CNN3: variants seen among roughly 807,000 people sequenced by gnomAD.
CNN3 encodes the protein calponin 3, also known as calponin-3.
Under a neutral mutation model 39.0 loss-of-function variants are expected in CNN3, and 11 were observed. The ratio of observed to expected loss-of-function variants is 0.28; its 90% CI spans 0.18 to 0.47. The LOEUF (loss-of-function observed/expected upper bound fraction) is 0.47. Ranked by LOEUF, CNN3 falls within the 20% of genes least tolerant of loss-of-function variation. The pLI, the probability that CNN3 is intolerant of heterozygous loss-of-function variation, is 0.99. For synonymous variants in CNN3, 101 were observed against 138.3 expected, an observed-to-expected ratio of 0.73 and a Z score of 1.89; for missense variants, 266 against 403.4, an observed-to-expected ratio of 0.66 and a Z score of 2.92.
intron 1 of CNN3, among the ~76,000 whole-genome samples, chr1:94,925,223 G>T (rs1671546498): frequency 6.6e-6 from 1 of 152,214 alleles, no homozygotes; most frequent in African/African-American, 2.4e-5. Flanking sequence ...CTCAACTGCT[G>T]CCAGCCAAGA....
At position 94,902,618 on chromosome 1, in the gene CNN3, T is replaced by C. The variant is rs578038533; in HGVS notation, c.247-360A>G. On this transcript the variant is annotated intron_variant, in intron 3 of 6. Coordinates refer to ENST00000370206, the MANE Select transcript of CNN3 (RefSeq NM_001839.5). ...ACTCATACTAATAAATAATTCATTA[T>C]GTGTTATTTTAATTTCAGAATACAT... Among the ~76,000 whole-genome samples, 3 of 152,374 alleles carry C rather than the reference T, an allele frequency of 2.0e-5. No homozygotes were observed. The East Asian group carries it at 5.8e-4, about 29-fold the overall frequency.
intron 1 of CNN3, among the ~76,000 whole-genome samples, chr1:94,923,544 T>TA (rs933553359): frequency 1.3e-5 from 2 of 152,044 alleles, no homozygotes; most frequent in African/African-American, 4.8e-5. Context: ...TCTTGCCTAT[T>TA]AAAAAAAGTA....
At chr1:94,914,679 T>A (rs1180725243) in intron 1 of CNN3, among the ~76,000 whole-genome samples, 1 of 152,234 alleles carries the variant, frequency 6.6e-6, no homozygotes, top group African/African-American at 2.4e-5. Flanking sequence ...AAATGCTTTT[T>A]TGCTTACTAC....
chr1:94,899,727 T>C (rs923262424), intron 5 of CNN3, among the ~76,000 whole-genome samples: 1 of 152,106 alleles, frequency 6.6e-6, no homozygotes, highest in African/African-American at 2.4e-5. Context: ...AGATAAAAAC[T>C]CATACATAGA....
chr1:94,921,743 G>A (rs959027416), intron 1 of CNN3, among the ~76,000 whole-genome samples: 2 of 152,194 alleles, frequency 1.3e-5, no homozygotes, highest in African/African-American at 4.8e-5. Context: ...AAAAATCAGT[G>A]AGCCTGACGA....
At chr1:94,901,558 C>A in intron 5 of CNN3, 111 bp downstream of exon 5, 2 of 665,108 alleles carry the variant, frequency 3.0e-6, no homozygotes, top group South Asian at 2.0e-5. Flanking sequence ...CTACACCCCC[C>A]CCCCAGTACT....
intron 1 of CNN3, among the ~76,000 whole-genome samples, chr1:94,918,405 A>G (rs1249720571): frequency 6.6e-6 from 1 of 151,396 alleles, no homozygotes; most frequent in African/African-American, 2.4e-5. Context: ...GAGGCAGGAG[A>G]ATCACTCGAA....
At chr1:94,904,522 T>C (rs1670947087) in intron 1 of CNN3, among the ~76,000 whole-genome samples, 1 of 151,952 alleles carries the variant, frequency 6.6e-6, no homozygotes, top group Non-Finnish European at 1.5e-5. Context: ...CTGAGCTGGG[T>C]GGATCTCTTG....
intron 1 of CNN3, among the ~76,000 whole-genome samples, chr1:94,918,791 G>A (rs1302439888): frequency 6.6e-6 from 1 of 151,930 alleles, no homozygotes; most frequent in Non-Finnish European, 1.5e-5. Context: ...CTTCTCAGGA[G>A]GCTGAGGTGT....
intron 1 of CNN3, among the ~76,000 whole-genome samples, chr1:94,920,125 C>G (rs1671402176): frequency 6.6e-6 from 1 of 152,214 alleles, no homozygotes; most frequent in African/African-American, 2.4e-5. Flanking sequence ...AAGCAGAATA[C>G]AACCAAGCCC....
chr1:94,910,783 C>T (rs1671139402), intron 1 of CNN3, among the ~76,000 whole-genome samples: 1 of 152,188 alleles, frequency 6.6e-6, no homozygotes, highest in Non-Finnish European at 1.5e-5. Context: ...ACCTGACACA[C>T]AACAGCATGC....
chr1:94,897,863 G>T lies in CNN3; in HGVS notation c.869C>A (p.Thr290Lys). 3 of 1,614,118 alleles carry T rather than the reference G, an allele frequency of 1.9e-6. No homozygotes were observed. Among genetic ancestry groups the T allele is most frequent in the Non-Finnish European group, 1.7e-6 (2 of 1,179,992 alleles). Residue 290 changes from threonine to lysine, a missense_variant, in exon 7 of 7, where the codon ACA becomes AAA. Physicochemically the swap from Thr to Lys is moderately conservative, Grantham distance 78. Transcript: ENST00000370206. ...VIHNGSQGTG[T>K]NGSEISDSDY... ...ACTATCACTGATTTCCGAACCATTT[G>T]TTCCTGTTCCTTGGCTTCCGTTGTG...
rs1159887300 is a variant in CNN3 at position 94,926,776 on chromosome 1, C to G, written c.57+62G>C. ...GCGCGAAGAGCAAACGAAGCACGGC[C>G]CAGCGCCAGGCCAGCCCAAGGGTGC... On this transcript the variant is annotated intron_variant, in intron 1 of 6. Transcript: ENST00000370206. The surrounding 1 kb of genome is among the most constrained non-coding windows in gnomAD (Gnocchi z 4.2). 6.5e-7 allele frequency: 1 copy of G among 1,546,568 alleles called. No individual in the cohort carries two copies. Among genetic ancestry groups the G allele is most frequent in the South Asian group, 1.2e-5 (1 of 86,556 alleles).
At chr1:94,924,269 T>C (rs1350948568) in intron 1 of CNN3, 1 of 151,868 alleles carries the variant, frequency 6.6e-6, no homozygotes, top group East Asian at 1.9e-4. Flanking sequence ...CCAGAACAGA[T>C]CAGAAACAGT....
chr1:94,916,235 T>C (rs149043541), intron 1 of CNN3, among the ~76,000 whole-genome samples: 3,662 of 152,222 alleles, frequency 0.024, 77 homozygotes, highest in Middle Eastern at 0.041. Flanking sequence ...TAAAACCCTG[T>C]CTCTACGAAA....
At position 94,927,093 on chromosome 1, in the gene CNN3, G is replaced by T. The variant is rs898020402; in HGVS notation, c.-199C>A. 3.9e-6 allele frequency: 2 copies of T among 509,400 alleles called. No homozygotes were observed. The highest frequency in any genetic ancestry group is 5.8e-5 in the South Asian group (2 of 34,528). The allele number at this position is 509,400 out of a possible 1,614,324, so 31.6% of individuals were successfully genotyped here. A position where few individuals can be genotyped will look rare whatever the true frequency, so the allele number is the denominator to read the frequency against. Reference sequence around the variant, plus strand: ...TGGGTGCTACAGAGCCTCGAGCTCCGCTGCGAAGCACCCGGCTGCCTCGCT... The same window carrying T: ...TGGGTGCTACAGAGCCTCGAGCTCCTCTGCGAAGCACCCGGCTGCCTCGCT... On this transcript the variant is annotated 5_prime_UTR_variant, in exon 1 of 7. Coordinates refer to ENST00000370206, the MANE Select transcript of CNN3 (RefSeq NM_001839.5).
Position 94,906,246 on chromosome 1 carries a change from G to A in CNN3, c.58-2722C>T, listed in dbSNP as rs112216699. 2.9e-3 allele frequency among the ~76,000 whole-genome samples: 435 copies of A among 152,312 alleles called. 2 individuals are homozygous for A. Among genetic ancestry groups the A allele is most frequent in the African/African-American group, 0.01 (428 of 41,562 alleles). ...GATCCGCCTGCCTCGGCCTCCCAAA[G>A]TGCTGAGATTAAAGGCGTGAGCCAC... On this transcript the variant is annotated intron_variant, in intron 1 of 6. Coordinates refer to ENST00000370206, the MANE Select transcript of CNN3 (RefSeq NM_001839.5).
intron 1 of CNN3, among the ~76,000 whole-genome samples, chr1:94,906,542 T>C (rs534546643): frequency 6.6e-6 from 1 of 152,260 alleles, no homozygotes; most frequent in African/African-American, 2.4e-5. Context: ...AAACATAATA[T>C]GCTAGGGTGA....
At chr1:94,915,753 G>A (rs781519308) in intron 1 of CNN3, among the ~76,000 whole-genome samples, 6 of 152,174 alleles carry the variant, frequency 3.9e-5, no homozygotes, top group African/African-American at 7.2e-5. Context: ...TCAGCAGTGC[G>A]CTCACAGGGA....
Sources: allele counts gnomAD v4.1 joint callset (sites outside exome capture counted in the v4.1 genomes callset), GRCh38; gene constraint gnomAD v4.1.1; non-coding constraint Gnocchi (gnomAD v3.1); transcripts MANE v1.5; gene names NCBI Gene and HGNC (gene_info 2026-07-23, HGNC 2026-07-21).